The following CCDC178 variants were observed in gnomAD, a reference collection of about 807,000 sequenced individuals.
CCDC178 encodes the protein coiled-coil domain containing 178, also known as coiled-coil domain-containing protein 178.
A neutral mutation model predicts 117.4 loss-of-function variants in CCDC178; 126 were observed. That is an observed-to-expected ratio of 1.07 (90% CI 0.93 to 1.24). CCDC178 has a LOEUF of 1.24. CCDC178 is among the 50% of genes most tolerant of loss of function. The probability of loss-of-function intolerance (pLI) is 0.00; values close to 1 mark genes in which losing one functional copy is unlikely to be tolerated. For missense variants in CCDC178, 1,030 were observed against 986.9 expected (o/e 1.04, Z -0.59); for synonymous variants, 283 against 313.4 (o/e 0.90, Z 1.02).
At chr18:33,290,720 C>T (rs1043832656) in intron 12 of CCDC178, among the ~76,000 whole-genome samples, 2 of 151,996 alleles carry the variant, frequency 1.3e-5, no homozygotes, top group African/African-American at 2.4e-5. Context: ...ATGGAATTTT[C>T]GTGACGTAGC....
chr18:33,010,399 G>GTA (rs1439048915), intron 21 of CCDC178, among the ~76,000 whole-genome samples: 2 of 152,154 alleles, frequency 1.3e-5, no homozygotes, highest in Non-Finnish European at 2.9e-5. Flanking sequence ...TCAAAGCACT[G>GTA]TAGTGTGGGA....
rs1236737924 is a variant in CCDC178 at position 32,965,868 on chromosome 18, T to C, written c.2523+8679A>G. ...CATTTTTTCATATATCATTTATTCA[T>C]ATATGAAACTTGAAATATTTTCCTA... On this transcript the variant is annotated intron_variant, in intron 22 of 22. Coordinates refer to ENST00000383096, the MANE Select transcript of CCDC178 (RefSeq NM_001105528.4). 2.0e-5 allele frequency among the ~76,000 whole-genome samples: 3 copies of C among 150,478 alleles called. No individual in the cohort carries two copies. In the South Asian group the frequency reaches 6.2e-4, roughly 31 times the overall value.
chr18:33,045,782 T>C (rs2056631080), intron 21 of CCDC178, among the ~76,000 whole-genome samples: 1 of 152,118 alleles, frequency 6.6e-6, no homozygotes. Flanking sequence ...CTTACAATAC[T>C]TAGGCTGGGC....
intron 2 of CCDC178, among the ~76,000 whole-genome samples, chr18:33,431,268 G>A (rs1401174606): frequency 6.7e-6 from 1 of 149,074 alleles, no homozygotes; most frequent in Non-Finnish European, 1.5e-5. Context: ...TATTATTTGG[G>A]ACGTTTTCTT....
At chr18:33,065,013 C>A (rs1193937296) in intron 21 of CCDC178, among the ~76,000 whole-genome samples, 4 of 144,578 alleles carry the variant, frequency 2.8e-5, no homozygotes, top group Non-Finnish European at 4.5e-5. Flanking sequence ...TGTTCTCACT[C>A]ATGTGTGGAA....
intron 20 of CCDC178, among the ~76,000 whole-genome samples, chr18:33,184,935 T>A (rs1030246655): frequency 3.9e-5 from 6 of 152,068 alleles, no homozygotes; most frequent in Non-Finnish European, 8.8e-5. Context: ...CTGCTTCTTG[T>A]AACTAGTTGC....
At chr18:33,116,625 A>G (rs1388759413) in intron 20 of CCDC178, among the ~76,000 whole-genome samples, 2 of 152,012 alleles carry the variant, frequency 1.3e-5, no homozygotes, top group African/African-American at 2.4e-5. Flanking sequence ...ATTTCCTTAT[A>G]GCTGTATGAC....
chr18:33,213,174 C>G (rs909541041), intron 19 of CCDC178, among the ~76,000 whole-genome samples: 5 of 151,926 alleles, frequency 3.3e-5, no homozygotes, highest in South Asian at 4.1e-4. Context: ...GTAAGCTCAA[C>G]TAGTTGGTAA....
intron 22 of CCDC178, among the ~76,000 whole-genome samples, chr18:32,943,093 G>A (rs1444082107): frequency 3.3e-5 from 5 of 152,208 alleles, no homozygotes; most frequent in Non-Finnish European, 7.3e-5. Flanking sequence ...GGAGAATCAT[G>A]AAGCTGAATG....
At chr18:33,342,554 T>C (rs913914077) in intron 9 of CCDC178, among the ~76,000 whole-genome samples, 1 of 152,204 alleles carries the variant, frequency 6.6e-6, no homozygotes, top group African/African-American at 2.4e-5. Flanking sequence ...GCTGACACTT[T>C]GAGCAGCATC....
At chr18:32,953,596 C>G (rs1941272) in intron 22 of CCDC178, among the ~76,000 whole-genome samples, 142,363 of 152,276 alleles carry the variant, frequency 0.93, 67,002 homozygotes, top group Non-Finnish European at 0.99. Context: ...ATCTTTGACA[C>G]TCAAAAAGTA....
At chr18:33,210,837 G>A (rs1305597370) in intron 20 of CCDC178, among the ~76,000 whole-genome samples, 2 of 151,954 alleles carry the variant, frequency 1.3e-5, no homozygotes, top group Non-Finnish European at 2.9e-5. Context: ...TTTCTAAAAT[G>A]TAATGGCCAC....
At chr18:33,396,786 C>T (rs76148479) in intron 4 of CCDC178, among the ~76,000 whole-genome samples, 2,787 of 152,118 alleles carry the variant, frequency 0.018, 86 homozygotes, top group African/African-American at 0.063. Flanking sequence ...AAGAATTGTT[C>T]AGGAGAGTAC....
chr18:33,050,480 G>C (rs1164436011), intron 21 of CCDC178, among the ~76,000 whole-genome samples: 2 of 152,102 alleles, frequency 1.3e-5, no homozygotes, highest in Non-Finnish European at 1.5e-5. Flanking sequence ...CAGTGGCTTG[G>C]GCTATATGGA....
At chr18:32,983,004 A>T (rs1056876050) in intron 21 of CCDC178, among the ~76,000 whole-genome samples, 7 of 152,056 alleles carry the variant, frequency 4.6e-5, no homozygotes, top group African/African-American at 1.7e-4. Flanking sequence ...AGTTGTAACA[A>T]ATGTACCAGC....
At chr18:33,006,702 G>C (rs532163186) in intron 21 of CCDC178, among the ~76,000 whole-genome samples, 1 of 152,142 alleles carries the variant, frequency 6.6e-6, no homozygotes, top group South Asian at 2.1e-4. Context: ...GTTAGGTTAT[G>C]TGGTTATACA....
intron 20 of CCDC178, among the ~76,000 whole-genome samples, chr18:33,163,521 T>G (rs939555830): frequency 6.6e-6 from 1 of 152,202 alleles, no homozygotes; most frequent in African/African-American, 2.4e-5. Context: ...TATATACTTA[T>G]CAGCTATTAC....
intron 21 of CCDC178, among the ~76,000 whole-genome samples, chr18:33,038,091 T>C (rs2056478455): frequency 6.6e-6 from 1 of 151,908 alleles, no homozygotes; most frequent in Non-Finnish European, 1.5e-5. Flanking sequence ...TATGATTATT[T>C]TACATACATA....
chr18:32,983,388 GC>G (rs1244016689), intron 21 of CCDC178: 2 of 1,310,934 alleles, frequency 1.5e-6, no homozygotes, highest in South Asian at 2.5e-5. Flanking sequence ...TACAAATGAA[GC>G]CATTTCAGAA....
Sources: gnomAD v4.1 joint callset for allele counts (sites outside exome capture counted in the v4.1 genomes callset) on GRCh38, gnomAD v4.1.1 for gene constraint, MANE v1.5 for transcripts, NCBI Gene and HGNC (gene_info 2026-07-23, HGNC 2026-07-21) for gene names.